ATG3: variants seen among roughly 807,000 people sequenced by gnomAD.
ATG3 encodes ubiquitin-like-conjugating enzyme ATG3.
In ATG3, 25 loss-of-function variants were observed where a neutral mutation model predicts 50.7. That is an observed-to-expected ratio of 0.49 (90% confidence interval 0.36 to 0.69). The LOEUF (loss-of-function observed/expected upper bound fraction) is 0.69, where lower values mean the gene tolerates loss of function less well. ATG3 is among the 30% of genes least tolerant of loss of function. The pLI, the probability that ATG3 is intolerant of heterozygous loss-of-function variation, is 0.00. For missense variants in ATG3, 281 were observed against 376.0 expected (o/e 0.75, Z 2.09); for synonymous variants, 119 against 125.5 (o/e 0.95, Z 0.34).
At chr3:112,534,237 T>C (rs1932948682) in intron 11 of ATG3, 32 bp downstream of exon 11, 2 of 1,594,520 alleles carry the variant, frequency 1.3e-6, no homozygotes, top group Non-Finnish European at 1.7e-6. Context: ...AACAGCCATT[T>C]TGCCACTAAT....
chr3:112,558,906 T>C (rs1352662147), intron 1 of ATG3, among the ~76,000 whole-genome samples: 1 of 152,034 alleles, frequency 6.6e-6, no homozygotes, highest in Non-Finnish European at 1.5e-5. Flanking sequence ...GCCCGGCTAA[T>C]TTTTGCATTT....
Position 112,561,657 on chromosome 3 carries a change from G to T in ATG3, c.-129C>A. ...GCACCCGGCTGGCAGCACCCGAGGG[G>T]ACGGGACGCGACGCGACGGGACGGG... On this transcript the variant is annotated 5_prime_UTR_variant, in exon 1 of 12. Coordinates refer to ENST00000283290, the MANE Select transcript of ATG3 (RefSeq NM_022488.5). 1.1e-6 allele frequency: 1 copy of T among 893,672 alleles called. No individual in the cohort carries two copies. The highest frequency in any genetic ancestry group is 1.7e-6 in the Non-Finnish European group (1 of 593,864). The allele number at this position is 893,672 out of a possible 1,614,324, so 55.4% of individuals were successfully genotyped here. A position where few individuals can be genotyped will look rare whatever the true frequency, so the allele number is the denominator to read the frequency against.
chr3:112,545,603 A>G (rs1933348909), intron 5 of ATG3, among the ~76,000 whole-genome samples: 1 of 152,228 alleles, frequency 6.6e-6, no homozygotes. Context: ...AGGTATGACT[A>G]TTTCATAACA....
intron 10 of ATG3, 135 bp downstream of exon 10, chr3:112,536,340 A>T (rs1933047541): frequency 3.0e-6 from 3 of 987,500 alleles, no homozygotes; most frequent in Non-Finnish European, 4.4e-6. Flanking sequence ...ATTTCTAAGG[A>T]GGACAAGAGA....
intron 7 of ATG3, chr3:112,538,402 T>TAC (rs913301326): frequency 2.1e-6 from 1 of 478,106 alleles, no homozygotes; most frequent in African/African-American, 2.0e-5. Context: ...AATAATACTG[T>TAC]AGAGTCCTCA....
chr3:112,532,684 T>A lies in ATG3; in HGVS notation c.*15A>T. The A allele has an allele frequency of 6.5e-7, 1 of 1,537,782 alleles. No individual in the cohort carries two copies. The highest frequency in any genetic ancestry group is 8.8e-7 in the Non-Finnish European group (1 of 1,135,786). On this transcript the variant is annotated 3_prime_UTR_variant, in exon 12 of 12. Transcript: ENST00000283290. Reference sequence around the variant, plus strand: ...ATCAGAACCAATAATTAGGATAGATTTTATGCTCTCTTCATTACATTGTGA... The same window carrying A: ...ATCAGAACCAATAATTAGGATAGATATTATGCTCTCTTCATTACATTGTGA...
intron 11 of ATG3, chr3:112,533,292 T>C (rs751006068): frequency 2.2e-4 from 221 of 984,422 alleles, no homozygotes; most frequent in Non-Finnish European, 2.5e-4. Flanking sequence ...TTTATGTTCA[T>C]TGCACTTAAA....
chr3:112,560,382 G>A (rs1263478896), intron 1 of ATG3, among the ~76,000 whole-genome samples: 2 of 152,070 alleles, frequency 1.3e-5, no homozygotes, highest in Admixed American at 6.6e-5. Context: ...TATAATCGCT[G>A]GTTTATTTCT....
At chr3:112,541,572 A>T (rs1281844346) in intron 7 of ATG3, among the ~76,000 whole-genome samples, 1 of 152,232 alleles carries the variant, frequency 6.6e-6, no homozygotes, top group Non-Finnish European at 1.5e-5. Flanking sequence ...ACTAATAGTT[A>T]TTCCAATAAA....
In ATG3 at chr3:112,561,764, C is replaced by T. The variant is rs1176597579; in HGVS notation, c.-236G>A. ...CGCACCCCAGGCAGCCCGCGACGGA[C>T]CGGACCCAGCTGTCACCCAGCCGCG... is the stretch of plus-strand genomic sequence containing the variant. On this transcript the variant is annotated 5_prime_UTR_variant, in exon 1 of 12. Transcript: ENST00000283290. 3.8e-6 allele frequency: 2 copies of T among 520,060 alleles called. No homozygotes were observed. Among genetic ancestry groups the T allele is most frequent in the East Asian group, 3.6e-5 (1 of 27,520 alleles). 32.2% of individuals were successfully genotyped at this position (520,060 alleles called of 1,614,324 possible).
chr3:112,533,538 G>A (rs898510707), intron 11 of ATG3: 27 of 985,248 alleles, frequency 2.7e-5, no homozygotes, highest in Non-Finnish European at 3.3e-5. Context: ...CTGATTAGAC[G>A]TGGCATCTTA....
chr3:112,541,967 A>C, intron 6 of ATG3, 83 bp from the exon 7 acceptor site: 1 of 1,014,088 alleles, frequency 9.9e-7, no homozygotes, highest in South Asian at 1.7e-5. Flanking sequence ...CACAGTGGTA[A>C]CCACTGTGAA....
chr3:112,543,969 T>C, intron 6 of ATG3, 88 bp downstream of exon 6: 1 of 923,636 alleles, frequency 1.1e-6, no homozygotes, highest in South Asian at 2.0e-5. Context: ...ATAAGAAAGA[T>C]ATGGTGATTA....
intron 2 of ATG3, among the ~76,000 whole-genome samples, chr3:112,557,320 C>T (rs1337534040): frequency 6.6e-6 from 1 of 152,140 alleles, no homozygotes; most frequent in African/African-American, 2.4e-5. Flanking sequence ...AGCCACCACG[C>T]CCAGCACAGA....
At chr3:112,543,854 T>C (rs1933297291) in intron 6 of ATG3, 2 of 397,238 alleles carry the variant, frequency 5.0e-6, no homozygotes, top group African/African-American at 2.0e-5. Context: ...AAATAAGAGA[T>C]GCATTAGGCA....
At chr3:112,543,508 T>C (rs1460066576) in intron 6 of ATG3, among the ~76,000 whole-genome samples, 1 of 152,130 alleles carries the variant, frequency 6.6e-6, no homozygotes, top group African/African-American at 2.4e-5. Flanking sequence ...ATTTGAATGA[T>C]GCAAGCTAAA....
At chr3:112,557,296 GGA>G (rs1248992411) in intron 2 of ATG3, among the ~76,000 whole-genome samples, 3 of 152,054 alleles carry the variant, frequency 2.0e-5, no homozygotes, top group Non-Finnish European at 4.4e-5. Context: ...TAAAGTGTTG[GGA>G]TTACAGGCGT....
At chr3:112,534,002 T>G (rs1022971923) in intron 11 of ATG3, 1 of 1,190,518 alleles carries the variant, frequency 8.4e-7, no homozygotes. Flanking sequence ...AAGAAAAAGA[T>G]ACTCATATTA....
chr3:112,553,644 T>C (rs1457098034), intron 2 of ATG3, among the ~76,000 whole-genome samples: 1 of 152,182 alleles, frequency 6.6e-6, no homozygotes, highest in Non-Finnish European at 1.5e-5. Context: ...ATGAAATTGA[T>C]AAATGTAAGG....
Sources: gnomAD v4.1 joint callset for allele counts (sites outside exome capture counted in the v4.1 genomes callset) on GRCh38, gnomAD v4.1.1 for gene constraint, MANE v1.5 for transcripts, NCBI Gene and HGNC (gene_info 2026-07-23, HGNC 2026-07-21) for gene names.